The following OR4C6 variants were observed in gnomAD, a reference collection of about 807,000 sequenced individuals.
OR4C6 encodes the protein olfactory receptor 4C6.
OR4C6 carries 20 observed loss-of-function variants against 13.9 expected under a neutral mutation model. The observed-to-expected ratio is 1.43, with a 90% CI of 1.01 to 2.08. The LOEUF is 2.08. Among genes scored for constraint, OR4C6 ranks in the 30% most tolerant of loss-of-function variants. OR4C6 has a pLI of 0.00. For synonymous variants in OR4C6, 193 were observed against 141.5 expected, an observed-to-expected ratio of 1.36 and a Z score of -2.58; for missense variants, 555 against 381.2, an observed-to-expected ratio of 1.46 and a Z score of -3.80.
chr11:55,665,076 C>G, intron 1 of OR4C6, 49 bp from the exon 2 acceptor site: 1 of 818,648 alleles, frequency 1.2e-6, no homozygotes, highest in Non-Finnish European at 2.0e-6. Context: ...CCTGGAAATA[C>G]AAGAAGCCAA....
chr11:55,665,727 C>A lies in OR4C6; in HGVS notation c.561C>A (p.Cys187Ter). 8 of 1,613,908 alleles carry A rather than the reference C, an allele frequency of 5.0e-6. No homozygotes were observed. Among genetic ancestry groups the A allele is most frequent in the Non-Finnish European group, 6.8e-6 (8 of 1,179,974 alleles). Residue 187 changes from cysteine (C) to a stop codon, truncating the protein, a stop_gained, in exon 2 of 2, where the codon TGC (cysteine) becomes TGA (stop). Transcript: ENST00000314259. LOFTEE classifies it high-confidence loss of function. ...TGTTTCAGTTGTTGACACTTGCCTG[C>A]ACGGACACCCACATCCTGGGCCTCT... is the stretch of plus-strand genomic sequence containing the variant. ...CDLFQLLTLA[C>*]TDTHILGLLV...
Position 55,665,515 on chromosome 11 carries a change from G to C in OR4C6, c.349G>C (p.Ala117Pro). 6.2e-7 allele frequency: 1 copy of C among 1,613,810 alleles called. No individual in the cohort carries two copies. The highest frequency in any genetic ancestry group is 2.2e-5 in the East Asian group (1 of 44,850). Residue 117 changes from alanine (A) to proline (P), a missense_variant, in exon 2 of 2, where the codon GCC becomes CCC. Physicochemically the swap from Ala to Pro is conservative, Grantham distance 27. Transcript: ENST00000314259. ...GVGIILLTVM[A>P]YDRYVAICKP... ...GGGGATCATCCTCCTCACTGTGATG[G>C]CCTATGACCGCTACGTGGCCATCTG...
Position 55,665,920 on chromosome 11 carries a change from T to C in OR4C6, c.754T>C (p.Cys252Arg). Residue 252 changes from cysteine to arginine, a missense_variant, in exon 2 of 2, where the codon TGT (cysteine) becomes CGT (arginine). Transcript: ENST00000314259. Reference protein sequence around the residue: ...LTVVVLFFVPCIFLYMRPVVT... With the variant: ...LTVVVLFFVPRIFLYMRPVVT... ...GGTGGTTGTATTGTTCTTTGTCCCC[T>C]GTATTTTCTTGTACATGAGGCCTGT... 1 of 1,613,956 alleles carries C rather than the reference T, an allele frequency of 6.2e-7. No homozygotes were observed. Among genetic ancestry groups the C allele is most frequent in the South Asian group, 1.1e-5 (1 of 91,078 alleles).
intron 1 of OR4C6, among the ~76,000 whole-genome samples, chr11:55,662,517 G>A (rs764217292): frequency 2.2e-5 from 3 of 139,036 alleles, no homozygotes; most frequent in Admixed American, 7.8e-5. Context: ...GGAAGAAGTA[G>A]CAATTCTTAA....
Position 55,665,589 on chromosome 11 carries a change from A to G in OR4C6, c.423A>G (p.Leu141=). The part of the protein sequence containing the change: ...TIIMSPRVCC[L]MVGGAWVGGF... ...TCATGAGTCCACGGGTGTGCTGCCTAATGGTAGGAGGGGCTTGGGTGGGGG... is the reference window on the plus strand; with the variant it reads ...TCATGAGTCCACGGGTGTGCTGCCTGATGGTAGGAGGGGCTTGGGTGGGGG... The change falls in exon 2 of 2, where the codon CTA becomes CTG. Residue 141 remains leucine, a synonymous_variant. Coordinates refer to ENST00000314259, the MANE Select transcript of OR4C6 (RefSeq NM_001004704.2). 5.6e-6 allele frequency: 9 copies of G among 1,613,822 alleles called. No individual in the cohort carries two copies. The highest frequency in any genetic ancestry group is 5.9e-6 in the Non-Finnish European group (7 of 1,179,984).
rs774797014 is a variant in OR4C6 at position 55,665,723 on chromosome 11, C to T, written c.557C>T (p.Ala186Val). The T allele has an allele frequency of 5.0e-6, 8 of 1,613,746 alleles. No homozygotes were observed. The highest frequency in any genetic ancestry group is 1.7e-5 in the Admixed American group (1 of 59,972). The change falls in exon 2 of 2, where the codon GCC (alanine) becomes GTC (valine). Residue 186 changes from alanine to valine, a missense_variant. Ala to Val is a moderately conservative substitution (Grantham distance 64, BLOSUM62 0). Coordinates refer to ENST00000314259, the MANE Select transcript of OR4C6 (RefSeq NM_001004704.2). ...GATTTGTTTCAGTTGTTGACACTTG[C>T]CTGCACGGACACCCACATCCTGGGC... ...ICDLFQLLTLACTDTHILGLL... is the reference protein window; with the variant it reads ...ICDLFQLLTLVCTDTHILGLL...
In OR4C6 at chr11:55,665,396, C is replaced by A. The variant is rs760498629; in HGVS notation, c.230C>A (p.Pro77His). 2 of 1,613,730 alleles carry A rather than the reference C, an allele frequency of 1.2e-6. No homozygotes were observed. The highest frequency in any genetic ancestry group is 1.1e-5 in the South Asian group (1 of 91,076). ...GTCATGTTCTCATCTGTCGTTGCCC[C>A]CAAGGTGATTGTAGACACCCTCTCC... ...LDVMFSSVVA[P>H]KVIVDTLSKS... The change falls in exon 2 of 2, where the codon CCC becomes CAC. Residue 77 changes from proline (P) to histidine (H), a missense_variant. Transcript: ENST00000314259.
chr11:55,665,093 C>G, intron 1 of OR4C6, 32 bp from the exon 2 acceptor site: 1 of 937,322 alleles, frequency 1.1e-6, no homozygotes. Context: ...CCAAATTAGT[C>G]ACTAATTATA....
chr11:55,663,731 G>A (rs902910388), intron 1 of OR4C6, among the ~76,000 whole-genome samples: 14 of 135,986 alleles, frequency 1.0e-4, no homozygotes, highest in African/African-American at 3.6e-4. Flanking sequence ...CTGGGGCTAG[G>A]GAGGAGAGGA....
chr11:55,662,916 T>C (rs1488599479), intron 1 of OR4C6, among the ~76,000 whole-genome samples: 1 of 139,112 alleles, frequency 7.2e-6, no homozygotes, highest in Non-Finnish European at 1.6e-5. Context: ...TAAGCCTCAG[T>C]TGCTGCTTCA....
At position 55,665,839 on chromosome 11, in the gene OR4C6, T is replaced by A; in HGVS notation, c.673T>A (p.Ser225Thr). The A allele has an allele frequency of 1.2e-6, 2 of 1,613,896 alleles. No individual in the cohort carries two copies. Among genetic ancestry groups the A allele is most frequent in the Non-Finnish European group, 1.7e-6 (2 of 1,180,008 alleles). ...SYTVILCSLK[S>T]YSSKGRHKAL... ...CACGGTCATCCTATGCTCCCTGAAG[T>A]CTTACAGCTCTAAAGGGCGGCACAA... Residue 225 changes from serine (S) to threonine (T), a missense_variant, in exon 2 of 2, where the codon TCT becomes ACT. Ser to Thr is a moderately conservative substitution (Grantham distance 58). Transcript: ENST00000314259.
At position 55,665,889 on chromosome 11, in the gene OR4C6, C is replaced by T; in HGVS notation, c.723C>T (p.His241=). Reference sequence around the variant, plus strand: ...AAGCCCTCTCTACCTGCAGCTCCCACCTCACGGTGGTTGTATTGTTCTTTG... The same window carrying T: ...AAGCCCTCTCTACCTGCAGCTCCCATCTCACGGTGGTTGTATTGTTCTTTG... ...RHKALSTCSS[H]LTVVVLFFVP... Residue 241 remains histidine, a synonymous_variant, in exon 2 of 2, where the codon CAC becomes CAT. Transcript: ENST00000314259. 3 of 1,613,958 alleles carry T rather than the reference C, an allele frequency of 1.9e-6. No homozygotes were observed. Among genetic ancestry groups the T allele is most frequent in the Non-Finnish European group, 2.5e-6 (3 of 1,180,008 alleles).
rs375140239 is a variant in OR4C6, at chr11:55,665,978, T to C, written c.812T>C (p.Val271Ala). 1.2e-6 allele frequency: 2 copies of C among 1,613,564 alleles called. No individual in the cohort carries two copies. The highest frequency in any genetic ancestry group is 1.7e-6 in the Non-Finnish European group (2 of 1,179,766). Residue 271 changes from valine to alanine, a missense_variant, in exon 2 of 2, where the codon GTG becomes GCG. Coordinates refer to ENST00000314259, the MANE Select transcript of OR4C6 (RefSeq NM_001004704.2). The stretch of plus-strand genomic sequence containing the variant: ...CACCCCATAGACAAGGCAATGGCTG[T>C]GTCAGACTCAATCATCACACCCATG... Reference protein sequence around the residue: ...VTHPIDKAMAVSDSIITPMLN... With the variant: ...VTHPIDKAMAASDSIITPMLN...
Position 55,665,603 on chromosome 11 carries a change from C to G in OR4C6, c.437C>G (p.Ala146Gly), listed in dbSNP as rs771506066. ...GTGTGCTGCCTAATGGTAGGAGGGG[C>G]TTGGGTGGGGGGATTTATGCACGCA... ...PRVCCLMVGG[A>G]WVGGFMHAMI... The change falls in exon 2 of 2, where the codon GCT (alanine) becomes GGT (glycine). Residue 146 changes from alanine to glycine, a missense_variant. By Grantham distance (60) the Ala-to-Gly change is moderately conservative. Coordinates refer to ENST00000314259, the MANE Select transcript of OR4C6 (RefSeq NM_001004704.2). 40 of 1,613,718 alleles carry G rather than the reference C, an allele frequency of 2.5e-5. No individual in the cohort carries two copies. The highest frequency in any genetic ancestry group is 3.3e-5 in the Non-Finnish European group (39 of 1,179,974).
Position 55,665,354 on chromosome 11 carries a change from T to C in OR4C6, c.188T>C (p.Phe63Ser). The part of the protein sequence containing the change: ...LRSPMYFFLT[F>S]LSLLDVMFSS... The stretch of plus-strand genomic sequence containing the variant: ...TCACCTATGTATTTTTTTCTTACCT[T>C]CTTGTCCCTTTTGGATGTCATGTTC... Residue 63 changes from phenylalanine to serine, a missense_variant, in exon 2 of 2, where the codon TTC (phenylalanine) becomes TCC (serine). Phe to Ser is a radical substitution (Grantham distance 155). Transcript: ENST00000314259. 2 of 1,613,730 alleles carry C rather than the reference T, an allele frequency of 1.2e-6. No homozygotes were observed. The highest frequency in any genetic ancestry group is 1.7e-6 in the Non-Finnish European group (2 of 1,179,856).
In OR4C6 at chr11:55,663,830, A is replaced by C. The variant is rs1156548235; in HGVS notation, c.-42-1295A>C. On this transcript the variant is annotated intron_variant, in intron 1 of 1. Transcript: ENST00000314259. ...GATGGGGGTGGAGTGGGCTACTGAA[A>C]AGCAGGAGTGACTTCTTAGCATTAA... Among the ~76,000 whole-genome samples, 3 of 137,752 alleles carry C rather than the reference A, an allele frequency of 2.2e-5. 1 individual carries two copies. Among genetic ancestry groups the C allele is most frequent in the Non-Finnish European group, 4.8e-5 (3 of 62,130 alleles). The allele number at this position is 137,752 out of a possible 152,430, so 90.4% of individuals were successfully genotyped here.
At position 55,665,719 on chromosome 11, in the gene OR4C6, C is replaced by G; in HGVS notation, c.553C>G (p.Leu185Val). 1 of 1,613,910 alleles carries G rather than the reference C, an allele frequency of 6.2e-7. No individual in the cohort carries two copies. Among genetic ancestry groups the G allele is most frequent in the Non-Finnish European group, 8.5e-7 (1 of 1,179,962 alleles). Reference sequence around the variant, plus strand: ...ATGTGATTTGTTTCAGTTGTTGACACTTGCCTGCACGGACACCCACATCCT... The same window carrying G: ...ATGTGATTTGTTTCAGTTGTTGACAGTTGCCTGCACGGACACCCACATCCT... Reference protein sequence around the residue: ...FICDLFQLLTLACTDTHILGL... With the variant: ...FICDLFQLLTVACTDTHILGL... The change falls in exon 2 of 2, where the codon CTT (leucine) becomes GTT (valine). Residue 185 changes from leucine to valine, a missense_variant. Transcript: ENST00000314259.
In OR4C6 at chr11:55,665,712, G is replaced by A; in HGVS notation, c.546G>A (p.Leu182=). 6.2e-7 allele frequency: 1 copy of A among 1,613,914 alleles called. No individual in the cohort carries two copies. Among genetic ancestry groups the A allele is most frequent in the Non-Finnish European group, 8.5e-7 (1 of 1,180,004 alleles). Residue 182 remains leucine, a synonymous_variant, in exon 2 of 2, where the codon TTG becomes TTA. Coordinates refer to ENST00000314259, the MANE Select transcript of OR4C6 (RefSeq NM_001004704.2). ...ACTTTATATGTGATTTGTTTCAGTT[G>A]TTGACACTTGCCTGCACGGACACCC... The part of the protein sequence containing the change: ...IDHFICDLFQ[L]LTLACTDTHI...
intron 1 of OR4C6, among the ~76,000 whole-genome samples, chr11:55,664,500 G>T (rs1432393297): frequency 6.6e-6 from 1 of 151,836 alleles, no homozygotes; most frequent in Non-Finnish European, 1.5e-5. Context: ...GCACACAATT[G>T]GAAAAGAATC....
Sources: gnomAD v4.1 joint callset for allele counts (sites outside exome capture counted in the v4.1 genomes callset) on GRCh38, gnomAD v4.1.1 for gene constraint, MANE v1.5 for transcripts, NCBI Gene and HGNC (gene_info 2026-07-23, HGNC 2026-07-21) for gene names.